Variants in WNT7A observed in about 807,000 individuals in gnomAD.
WNT7A encodes protein Wnt-7a.
Under a neutral mutation model 28.2 loss-of-function variants are expected in WNT7A, and 16 were observed. The ratio of observed to expected loss-of-function variants is 0.57; its 90% confidence interval spans 0.38 to 0.86. The LOEUF (loss-of-function observed/expected upper bound fraction) is 0.86. WNT7A is among the 40% of genes least tolerant of loss of function. WNT7A has a pLI of 0.00. For synonymous variants in WNT7A, 190 were observed against 195.9 expected (o/e 0.97, Z 0.25); for missense variants, 411 against 489.7 (o/e 0.84, Z 1.52).
chr3:13,853,638 C>G (rs1462709999), intron 3 of WNT7A, among the ~76,000 whole-genome samples: 2 of 152,246 alleles, frequency 1.3e-5, no homozygotes, highest in African/African-American at 4.8e-5. Context: ...TTCCCAGTGT[C>G]TGTGTTGCCC....
intron 1 of WNT7A, among the ~76,000 whole-genome samples, chr3:13,877,979 C>T (rs1021061291): frequency 6.6e-6 from 1 of 152,220 alleles, no homozygotes; most frequent in African/African-American, 2.4e-5. Flanking sequence ...CCCCTCATGT[C>T]CACTATACAG....
At chr3:13,839,333 G>A (rs1694420615) in intron 3 of WNT7A, among the ~76,000 whole-genome samples, 1 of 152,248 alleles carries the variant, frequency 6.6e-6, no homozygotes, top group Admixed American at 6.5e-5. Context: ...AAGAGCCTGA[G>A]GCTGGGGGTC....
intron 1 of WNT7A, 77 bp from the exon 2 acceptor site, chr3:13,875,250 A>G: frequency 6.7e-7 from 1 of 1,483,140 alleles, no homozygotes; most frequent in Non-Finnish European, 9.3e-7. Flanking sequence ...GTAGGTGTCC[A>G]GCACTGGCCA....
At position 13,816,861 on chromosome 3, in the gene WNT7A, C is replaced by T. The variant is rs1331100196; in HGVS notation, c.*2083G>A. ...CACATCTACCCATTCACCTACCTAC[C>T]TACTCACACATTCATCCATCCCTCC... On this transcript the variant is annotated 3_prime_UTR_variant, in exon 4 of 4. Transcript: ENST00000285018. 6.6e-6 allele frequency: 1 copy of T among 152,358 alleles called. No homozygotes were observed. The highest frequency in any genetic ancestry group is 1.5e-5 in the Non-Finnish European group (1 of 68,060). 9.4% of individuals were successfully genotyped at this position (152,358 alleles called of 1,614,324 possible).
At position 13,874,934 on chromosome 3, in the gene WNT7A, G is replaced by T. The variant is rs774630880; in HGVS notation, c.298+13C>A. ...CGGTAAGACTCTGCGGGGGTGTTTG[G>T]GTGAGCACATACCCACTTTGAGCTC... is the stretch of plus-strand genomic sequence containing the variant. On this transcript the variant is annotated intron_variant, in intron 2 of 3. Coordinates refer to ENST00000285018, the MANE Select transcript of WNT7A (RefSeq NM_004625.4). 7 of 1,613,456 alleles carry T rather than the reference G, an allele frequency of 4.3e-6. No homozygotes were observed. In the South Asian group the frequency reaches 7.7e-5, roughly 18 times the overall value.
At chr3:13,846,077 G>T (rs1488643842) in intron 3 of WNT7A, among the ~76,000 whole-genome samples, 1 of 152,178 alleles carries the variant, frequency 6.6e-6, no homozygotes, top group Admixed American at 6.5e-5. Flanking sequence ...TCACAACCGG[G>T]TTCCTCCCTG....
intron 2 of WNT7A, among the ~76,000 whole-genome samples, chr3:13,864,758 A>C: frequency 6.6e-6 from 1 of 152,208 alleles, no homozygotes; most frequent in Non-Finnish European, 1.5e-5. Context: ...AAAAATTAAA[A>C]TATTATATAC....
intron 3 of WNT7A, among the ~76,000 whole-genome samples, chr3:13,840,473 G>T (rs1234690352): frequency 6.6e-6 from 1 of 152,198 alleles, no homozygotes; most frequent in Admixed American, 6.5e-5. Flanking sequence ...ACGAATGCAT[G>T]GATTTCCATC....
Position 13,819,441 on chromosome 3 carries a change from G to T in WNT7A, c.571-18C>A, listed in dbSNP as rs878929122. 3 of 1,609,438 alleles carry T rather than the reference G, an allele frequency of 1.9e-6. No individual in the cohort carries two copies. Among genetic ancestry groups the T allele is most frequent in the Non-Finnish European group, 1.7e-6 (2 of 1,179,828 alleles). On this transcript the variant is annotated intron_variant, in intron 3 of 3. Transcript: ENST00000285018. ...TCCAGGATCTGCAGGGGAGGGCGGGGAAGAGCACAGCACAGGTCACTGCAC... is the reference window on the plus strand; with the variant it reads ...TCCAGGATCTGCAGGGGAGGGCGGGTAAGAGCACAGCACAGGTCACTGCAC...
In WNT7A at chr3:13,818,367, A is replaced by AAAAAAAAAAAAAAAAAAAG. The variant is rs1694049038; in HGVS notation, c.*576_*577insCTTTTTTTTTTTTTTTTTT. ...AGCAAACAGCAAAAAAAAAAAAAAA[A>AAAAAAAAAAAAAAAAAAAG]ATGTGTGTGTGTATATCTATATATG... On this transcript the variant is annotated 3_prime_UTR_variant, in exon 4 of 4. Transcript: ENST00000285018. 1 of 150,898 alleles carries AAAAAAAAAAAAAAAAAAAG rather than the reference A, an allele frequency of 6.6e-6. No individual in the cohort carries two copies. The highest frequency in any genetic ancestry group is 1.5e-5 in the Non-Finnish European group (1 of 67,730). 9.3% of individuals were successfully genotyped at this position (150,898 alleles called of 1,614,324 possible).
chr3:13,856,848 G>A (rs762663927), intron 2 of WNT7A, among the ~76,000 whole-genome samples: 1 of 149,006 alleles, frequency 6.7e-6, no homozygotes, highest in Non-Finnish European at 1.5e-5. Context: ...AGAAGAAGAA[G>A]AGGAAGAAGA....
chr3:13,828,902 C>T (rs1177288242), intron 3 of WNT7A, among the ~76,000 whole-genome samples: 1 of 152,190 alleles, frequency 6.6e-6, no homozygotes, highest in Non-Finnish European at 1.5e-5. Context: ...ACCCAAGAAG[C>T]TCAGTTCAAA....
chr3:13,841,562 C>A (rs763519669), intron 3 of WNT7A, among the ~76,000 whole-genome samples: 3 of 152,102 alleles, frequency 2.0e-5, no homozygotes, highest in Non-Finnish European at 2.9e-5. Flanking sequence ...GGAATTCATG[C>A]GTATGAAGTA....
At position 13,825,686 on chromosome 3, in the gene WNT7A, G is replaced by A. The variant is rs1694182530; in HGVS notation, c.571-6263C>T. Among the ~76,000 whole-genome samples the A allele has an allele frequency of 2.0e-5, 3 of 152,272 alleles. No homozygotes were observed. In the South Asian group the frequency reaches 6.2e-4, roughly 32 times the overall value. On this transcript the variant is annotated intron_variant, in intron 3 of 3. Coordinates refer to ENST00000285018, the MANE Select transcript of WNT7A (RefSeq NM_004625.4). ...CAGCTGTCAGATCCTTCAGGGTGTG[G>A]GGCCCTGCATCTGGGGACCAAGAGA...
intron 2 of WNT7A, 92 bp downstream of exon 2, chr3:13,874,855 G>T: frequency 7.8e-7 from 1 of 1,276,396 alleles, no homozygotes; most frequent in Non-Finnish European, 1.1e-6. Flanking sequence ...TTCTAGCAGG[G>T]GCAGGTGAGG....
chr3:13,828,832 G>C (rs755809506), intron 3 of WNT7A, among the ~76,000 whole-genome samples: 1 of 152,188 alleles, frequency 6.6e-6, no homozygotes, highest in Non-Finnish European at 1.5e-5. Flanking sequence ...CTCCACGAAA[G>C]TATGATGTGG....
chr3:13,819,347 GT>G lies in WNT7A; in HGVS notation c.646del (p.Thr216ProfsTer37). ...SGSCTTKTCW[T>X]TLPQFRELGY... is the part of the protein sequence containing the mutation. ...CAGCTCCCGAAACTGTGGCAGTGTG[GT>G]CCAGCACGTCTTGGTGGTGCACGAG... is the stretch of plus-strand genomic sequence containing the variant. On this transcript the variant is annotated frameshift_variant, in exon 4 of 4. Coordinates refer to ENST00000285018, the MANE Select transcript of WNT7A (RefSeq NM_004625.4). LOFTEE classifies it low-confidence loss of function (END_TRUNC). The G allele has an allele frequency of 1.2e-6, 2 of 1,613,476 alleles. No homozygotes were observed. Among genetic ancestry groups the G allele is most frequent in the Non-Finnish European group, 1.7e-6 (2 of 1,179,674 alleles).
chr3:13,879,759 A>G lies in WNT7A; in HGVS notation c.58T>C (p.Tyr20His). 1 of 1,612,954 alleles carries G rather than the reference A, an allele frequency of 6.2e-7. No homozygotes were observed. The highest frequency in any genetic ancestry group is 8.5e-7 in the Non-Finnish European group (1 of 1,179,366). ...GHLFLSLGMV[Y>H]LRIGGFSSVV... ...GGCAGCCCTTACCCGATCCGGAGGT[A>G]GACCATGCCCAGGCTGAGAAAGAGG... Residue 20 changes from tyrosine to histidine, a missense_variant, in exon 1 of 4, where the codon TAC (tyrosine) becomes CAC (histidine). By Grantham distance (83) the Tyr-to-His change is moderately conservative. Coordinates refer to ENST00000285018, the MANE Select transcript of WNT7A (RefSeq NM_004625.4).
intron 3 of WNT7A, among the ~76,000 whole-genome samples, chr3:13,849,545 C>G (rs754388418): frequency 4.6e-5 from 7 of 152,146 alleles, no homozygotes; most frequent in Admixed American, 6.5e-5. Flanking sequence ...AGGCACTGTT[C>G]TAGGTTTAGG....
Sources: allele counts gnomAD v4.1 joint callset (sites outside exome capture counted in the v4.1 genomes callset), GRCh38; gene constraint gnomAD v4.1.1; transcripts MANE v1.5; gene names NCBI Gene and HGNC (gene_info 2026-07-23, HGNC 2026-07-21).